The following SERINC2 variants were observed in gnomAD, a reference collection of about 807,000 sequenced individuals.
The protein encoded by SERINC2 is tumor differentially expressed protein 2.
In SERINC2, 56 loss-of-function variants were observed where a neutral mutation model predicts 54.2. The ratio of observed to expected loss-of-function variants is 1.03; its 90% CI spans 0.83 to 1.29. The LOEUF (loss-of-function observed/expected upper bound fraction) is 1.29, where lower values mean the gene tolerates loss of function less well. SERINC2 is among the 50% of genes most tolerant of loss of function. The pLI is 0.00. For missense variants in SERINC2, 614 were observed against 607.4 expected (o/e 1.01, Z -0.12); for synonymous variants, 272 against 253.1 (o/e 1.07, Z -0.71).
At chr1:31,431,832 T>C (rs113603204) in intron 8 of SERINC2, among the ~76,000 whole-genome samples, 1,199 of 27,384 alleles carry the variant, frequency 0.044, 21 homozygotes, top group Middle Eastern at 0.095. Flanking sequence ...ATAGGGTGGA[T>C]AGGGTGGATA....
At chr1:31,429,307 T>C (rs1641129877) in intron 7 of SERINC2, 90 bp from the exon 8 acceptor site, 1 of 1,471,578 alleles carries the variant, frequency 6.8e-7, no homozygotes, top group Admixed American at 2.0e-5. Flanking sequence ...TGTCTGTCTA[T>C]TAGGGGTGGC....
At position 31,431,777 on chromosome 1, in the gene SERINC2, A is replaced by ATAGGGTGGTTAGGGTGGATAGGGTGGT. The variant is rs1557499685; in HGVS notation, c.1014-1182_1014-1181insTTAGGGTGGATAGGGTGGTTAGGGTGG. On this transcript the variant is annotated intron_variant, in intron 8 of 9. Coordinates refer to ENST00000373709, the MANE Select transcript of SERINC2 (RefSeq NM_178865.5). Reference sequence around the variant, plus strand: ...AGGGTGGAGAGGGTGGAGAGGGTGAATAGGGTGGATAGGGTGGATAGGGTG... The same window carrying ATAGGGTGGTTAGGGTGGATAGGGTGGT: ...AGGGTGGAGAGGGTGGAGAGGGTGAATAGGGTGGTTAGGGTGGATAGGGTGGTTAGGGTGGATAGGGTGGATAGGGTG... Among the ~76,000 whole-genome samples, 20 of 95,632 alleles carry ATAGGGTGGTTAGGGTGGATAGGGTGGT rather than the reference A, an allele frequency of 2.1e-4. 3 individuals carry two copies. The highest frequency in any genetic ancestry group is 1.9e-4 in the Non-Finnish European group (9 of 46,286). 62.7% of individuals were successfully genotyped at this position (95,632 alleles called of 152,430 possible). A position where few individuals can be genotyped will look rare whatever the true frequency, so the allele number is the denominator to read the frequency against.
upstream of SERINC2, chr1:31,410,497 A>G: frequency 6.5e-7 from 1 of 1,546,316 alleles, no homozygotes; most frequent in Non-Finnish European, 8.7e-7. Flanking sequence ...TTGGGCAGGC[A>G]GGAGGCCAGG....
At chr1:31,412,232 C>T (rs1640662986), upstream of SERINC2, among the ~76,000 whole-genome samples, 1 of 152,092 alleles carries the variant, frequency 6.6e-6, no homozygotes, top group African/African-American at 2.4e-5. Flanking sequence ...TGGCTGAGGA[C>T]AGGGCTAAGG....
chr1:31,411,671 G>A (rs893482118), upstream of SERINC2, among the ~76,000 whole-genome samples: 9 of 152,064 alleles, frequency 5.9e-5, no homozygotes, highest in African/African-American at 2.2e-4. Flanking sequence ...AGCTTCAAAG[G>A]GGAGAAAGAG....
chr1:31,432,857 C>T lies in SERINC2; in HGVS notation c.1014-110C>T, dbSNP rs1477860810. The T allele has an allele frequency of 7.5e-6, 6 of 795,738 alleles. No homozygotes were observed. The Admixed American group carries it at 1.3e-4, about 18-fold the overall frequency. The allele number at this position is 795,738 out of a possible 1,614,324, so 49.3% of individuals were successfully genotyped here. A position where few individuals can be genotyped will look rare whatever the true frequency, so the allele number is the denominator to read the frequency against. Reference sequence around the variant, plus strand: ...AGAGGCAAAGCAGTTTGTTAACTCCCAGGCCCAGTAACCGGGTCGCTGGCC... The same window carrying T: ...AGAGGCAAAGCAGTTTGTTAACTCCTAGGCCCAGTAACCGGGTCGCTGGCC... On this transcript the variant is annotated intron_variant, in intron 8 of 9. Coordinates refer to ENST00000373709, the MANE Select transcript of SERINC2 (RefSeq NM_178865.5).
At chr1:31,428,477 G>A (rs1553133924) in intron 6 of SERINC2, among the ~76,000 whole-genome samples, 1 of 152,184 alleles carries the variant, frequency 6.6e-6, no homozygotes, top group African/African-American at 2.4e-5. Flanking sequence ...CATGAAAGAG[G>A]GTGTGGGCTG....
At position 31,434,206 on chromosome 1, in the gene SERINC2, C is replaced by T. The variant is rs782408383; in HGVS notation, c.*7C>T. ...CAACCGCGACTTCAGCTGAGGCAGC[C>T]TCACAGCCTGCCATCTGGTGCCTCC... On this transcript the variant is annotated 3_prime_UTR_variant, in exon 10 of 10. Transcript: ENST00000373709. The T allele has an allele frequency of 9.9e-6, 16 of 1,611,430 alleles. No individual in the cohort carries two copies. The highest frequency in any genetic ancestry group is 1.3e-5 in the Non-Finnish European group (15 of 1,179,312).
chr1:31,433,944 G>A, intron 9 of SERINC2, 120 bp from the exon 10 acceptor site: 1 of 973,134 alleles, frequency 1.0e-6, no homozygotes, highest in South Asian at 1.5e-5. Context: ...AGATGGACTG[G>A]AGTTACAGGG....
chr1:31,430,976 C>A (rs1055784068), intron 8 of SERINC2, among the ~76,000 whole-genome samples: 4 of 152,180 alleles, frequency 2.6e-5, no homozygotes, highest in African/African-American at 9.7e-5. Context: ...TCTGTTTTGG[C>A]CTTTTTCAAA....
At chr1:31,432,674 G>C (rs1641343614) in intron 8 of SERINC2, among the ~76,000 whole-genome samples, 1 of 152,144 alleles carries the variant, frequency 6.6e-6, no homozygotes, top group Non-Finnish European at 1.5e-5. Flanking sequence ...CACTATGCTA[G>C]AGACCTTACA....
intron 1 of SERINC2, chr1:31,414,195 A>AG: frequency 1.5e-6 from 2 of 1,362,334 alleles, no homozygotes; most frequent in Non-Finnish European, 1.9e-6. Flanking sequence ...TCTGTTCTGT[A>AG]GCTGCAGCCG....
At chr1:31,432,079 G>GTGGACAGGA (rs1641278050) in intron 8 of SERINC2, among the ~76,000 whole-genome samples, 1 of 104,936 alleles carries the variant, frequency 9.5e-6, no homozygotes, top group Non-Finnish European at 1.9e-5. Flanking sequence ...GGTGGACAGG[G>GTGGACAGGA]TGGTTAGGGT....
chr1:31,425,198 C>G lies in SERINC2; in HGVS notation c.393-132C>G, dbSNP rs576995576. Reference sequence around the variant, plus strand: ...GAGACTTTCTGTGCCTATCAGACCACCAGAAAGCCCACCCTCACCCCTCTC... The same window carrying G: ...GAGACTTTCTGTGCCTATCAGACCAGCAGAAAGCCCACCCTCACCCCTCTC... On this transcript the variant is annotated intron_variant, in intron 3 of 9. Coordinates refer to ENST00000373709, the MANE Select transcript of SERINC2 (RefSeq NM_178865.5). The G allele has an allele frequency of 3.2e-5, 24 of 759,662 alleles. No individual in the cohort carries two copies. In the African/African-American group the frequency reaches 3.6e-4, roughly 11 times the overall value. The allele number at this position is 759,662 out of a possible 1,614,324, so 47.1% of individuals were successfully genotyped here. A position where few individuals can be genotyped will look rare whatever the true frequency, so the allele number is the denominator to read the frequency against.
chr1:31,421,864 C>T (rs1010061250), intron 1 of SERINC2, among the ~76,000 whole-genome samples: 1 of 152,236 alleles, frequency 6.6e-6, no homozygotes, highest in Non-Finnish European at 1.5e-5. Flanking sequence ...AAGCTTTGGC[C>T]ACGAGGGCCT....
At chr1:31,430,795 C>T (rs1489009931) in intron 8 of SERINC2, among the ~76,000 whole-genome samples, 1 of 152,082 alleles carries the variant, frequency 6.6e-6, no homozygotes, top group East Asian at 1.9e-4. Flanking sequence ...CCTGAGTTTG[C>T]CTCCCTGTGG....
rs530999108 is a variant in SERINC2, at chr1:31,428,626, C to T, written c.781-352C>T. On this transcript the variant is annotated intron_variant, in intron 6 of 9. Transcript: ENST00000373709. The stretch of plus-strand genomic sequence containing the variant: ...ACTTGTCAGAGGGAGGGCACAGCGA[C>T]GGCAAAGGCCTTGTGGTGGGAGAGG... Among the ~76,000 whole-genome samples the T allele has an allele frequency of 5.5e-4, 83 of 152,088 alleles. 1 individual carries two copies. In the South Asian group the frequency reaches 0.014, roughly 25 times the overall value.
At chr1:31,431,948 T>TAGGGTGGA in intron 8 of SERINC2, among the ~76,000 whole-genome samples, 1 of 3,184 alleles carries the variant, frequency 3.1e-4, no homozygotes, top group East Asian at 9.4e-3. Context: ...GTTAGGGTGG[T>TAGGGTGGA]TAGGGTGGTT....
intron 5 of SERINC2, 179 bp downstream of exon 5, chr1:31,426,092 G>T: frequency 1.5e-6 from 1 of 659,132 alleles, no homozygotes; most frequent in Non-Finnish European, 2.5e-6. Flanking sequence ...ATCCTGGGAT[G>T]ACTTCAGGGA....
Sources: allele counts gnomAD v4.1 joint callset (sites outside exome capture counted in the v4.1 genomes callset), GRCh38; gene constraint gnomAD v4.1.1; transcripts MANE v1.5; gene names NCBI Gene and HGNC (gene_info 2026-07-23, HGNC 2026-07-21).